The following GRIK2 variants were observed in gnomAD, a reference collection of about 807,000 sequenced individuals.
GRIK2 encodes the protein glutamate ionotropic receptor kainate type subunit 2, also known as glutamate receptor ionotropic, kainate 2.
A neutral mutation model predicts 100.3 loss-of-function variants in GRIK2; 32 were observed. The observed-to-expected ratio is 0.32, with a 90% CI of 0.24 to 0.43. GRIK2 has a LOEUF of 0.43. GRIK2 is among the 20% of genes least tolerant of loss of function. GRIK2 has a pLI of 1.00. For missense variants in GRIK2, 843 were observed against 1,114.9 expected, an observed-to-expected ratio of 0.76 and a Z score of 3.47; for synonymous variants, 417 against 389.4, an observed-to-expected ratio of 1.07 and a Z score of -0.83.
At chr6:101,645,510 C>T (rs1398428515) in intron 4 of GRIK2, among the ~76,000 whole-genome samples, 3 of 151,798 alleles carry the variant, frequency 2.0e-5, no homozygotes, top group East Asian at 1.9e-4. Flanking sequence ...TGGGAGAGGC[C>T]GTTTGTCTTT....
At chr6:101,723,391 C>G (rs1774627846) in intron 7 of GRIK2, among the ~76,000 whole-genome samples, 1 of 151,918 alleles carries the variant, frequency 6.6e-6, no homozygotes, top group Admixed American at 6.6e-5. Flanking sequence ...ACTGTAGCAT[C>G]TAAGATTTAA....
chr6:101,687,234 C>T (rs1771761118), intron 7 of GRIK2, among the ~76,000 whole-genome samples: 2 of 151,802 alleles, frequency 1.3e-5, no homozygotes. Flanking sequence ...TAGTGTCTAC[C>T]TTGTCAGACT....
rs3029099 is a variant in GRIK2 at position 101,963,278 on chromosome 6, A to ATTTTTTTTTTTTTTTTTTTTTTTTTTTTT, written c.2085+34655_2085+34683dup. On this transcript the variant is annotated intron_variant, in intron 14 of 16. Coordinates refer to ENST00000369134, the MANE Select transcript of GRIK2 (RefSeq NM_021956.5). ...TATTTCATATTTATACTTATTTAGG[A>ATTTTTTTTTTTTTTTTTTTTTTTTTTTTT]TTTTTTTTTTTTTTTTTTTTTTTTT... Among the ~76,000 whole-genome samples, 12 of 27,844 alleles carry ATTTTTTTTTTTTTTTTTTTTTTTTTTTTT rather than the reference A, an allele frequency of 4.3e-4. 6 individuals carry two copies. Among genetic ancestry groups the ATTTTTTTTTTTTTTTTTTTTTTTTTTTTT allele is most frequent in the Non-Finnish European group, 8.6e-4 (12 of 14,018 alleles). 18.3% of individuals were successfully genotyped at this position (27,844 alleles called of 152,430 possible).
chr6:101,644,333 T>C (rs1268296691), intron 4 of GRIK2, among the ~76,000 whole-genome samples: 1 of 151,628 alleles, frequency 6.6e-6, no homozygotes, highest in Non-Finnish European at 1.5e-5. Flanking sequence ...GAAATGCAAG[T>C]GTACAGAGCT....
intron 2 of GRIK2, among the ~76,000 whole-genome samples, chr6:101,528,937 T>G (rs1775286067): frequency 6.6e-6 from 1 of 152,098 alleles, no homozygotes; most frequent in South Asian, 2.1e-4. Context: ...AAAAGACAAC[T>G]TGCTAAAATA....
At chr6:101,795,834 T>G (rs1780267218) in intron 7 of GRIK2, among the ~76,000 whole-genome samples, 1 of 152,168 alleles carries the variant, frequency 6.6e-6, no homozygotes, top group South Asian at 2.1e-4. Context: ...TGCATGGGAA[T>G]AGGCTGTGGT....
At chr6:101,998,063 C>T (rs1250701631) in intron 14 of GRIK2, among the ~76,000 whole-genome samples, 1 of 152,042 alleles carries the variant, frequency 6.6e-6, no homozygotes, top group Non-Finnish European at 1.5e-5. Flanking sequence ...CTATCCACTC[C>T]CAAAAGCTTC....
At chr6:101,740,094 G>T (rs183964722) in intron 7 of GRIK2, among the ~76,000 whole-genome samples, 1 of 152,320 alleles carries the variant, frequency 6.6e-6, no homozygotes, top group Non-Finnish European at 1.5e-5. Context: ...GAGAATTCAT[G>T]TTTGACTCAA....
intron 4 of GRIK2, among the ~76,000 whole-genome samples, chr6:101,673,903 G>T (rs185928103): frequency 1.3e-5 from 2 of 152,250 alleles, no homozygotes; most frequent in Admixed American, 6.5e-5. Context: ...GACATGAAAA[G>T]ACACTTCTCA....
chr6:101,502,479 G>A (rs180742924), intron 2 of GRIK2, among the ~76,000 whole-genome samples: 89 of 152,008 alleles, frequency 5.9e-4, no homozygotes, highest in African/African-American at 2.1e-3. Flanking sequence ...AAAGATTTCC[G>A]AGACATAGAA....
chr6:101,528,833 C>A (rs1420457534), intron 2 of GRIK2, among the ~76,000 whole-genome samples: 1 of 152,046 alleles, frequency 6.6e-6, no homozygotes, highest in East Asian at 1.9e-4. Context: ...TCCCTATATG[C>A]AGTACATGAT....
chr6:101,466,787 G>A (rs1771672254), intron 2 of GRIK2, among the ~76,000 whole-genome samples: 1 of 152,078 alleles, frequency 6.6e-6, no homozygotes, highest in African/African-American at 2.4e-5. Context: ...GCTTTCAAGA[G>A]TTTTAGCAGG....
chr6:101,934,829 C>G (rs1038896244), intron 14 of GRIK2, among the ~76,000 whole-genome samples: 4 of 151,876 alleles, frequency 2.6e-5, no homozygotes, highest in Non-Finnish European at 4.4e-5. Context: ...TGAAAAATGT[C>G]TTCTGAAATG....
chr6:101,924,795 C>G, intron 13 of GRIK2, 76 bp downstream of exon 13: 2 of 911,184 alleles, frequency 2.2e-6, no homozygotes, highest in Non-Finnish European at 1.8e-6. Flanking sequence ...CTTGCTGGCA[C>G]AAGTCGCTTG....
intron 2 of GRIK2, among the ~76,000 whole-genome samples, chr6:101,474,042 T>A (rs1163172237): frequency 6.6e-6 from 1 of 151,814 alleles, no homozygotes; most frequent in African/African-American, 2.4e-5. Context: ...TCCCATACAC[T>A]GACCTACCAA....
chr6:101,811,824 T>A (rs2128418891), intron 9 of GRIK2, among the ~76,000 whole-genome samples: 1 of 151,700 alleles, frequency 6.6e-6, no homozygotes, highest in African/African-American at 2.4e-5. Context: ...CTGAGAAAAC[T>A]GTCACCAAAA....
At chr6:101,776,705 T>C (rs1778768929) in intron 7 of GRIK2, among the ~76,000 whole-genome samples, 1 of 152,232 alleles carries the variant, frequency 6.6e-6, no homozygotes, top group Non-Finnish European at 1.5e-5. Context: ...TCTAAATTTG[T>C]CAGTAACTTA....
At chr6:101,946,923 A>G (rs968274717) in intron 14 of GRIK2, among the ~76,000 whole-genome samples, 1 of 152,168 alleles carries the variant, frequency 6.6e-6, no homozygotes, top group Non-Finnish European at 1.5e-5. Context: ...CCTCCCACAG[A>G]GAATGTTACA....
intron 15 of GRIK2, among the ~76,000 whole-genome samples, chr6:102,039,395 G>A (rs149358655): frequency 6.6e-6 from 1 of 151,624 alleles, no homozygotes; most frequent in African/African-American, 2.4e-5. Context: ...GATTTTTGAA[G>A]TTGCAGGAGA....
Sources: gnomAD v4.1 joint callset for allele counts (sites outside exome capture counted in the v4.1 genomes callset) on GRCh38, gnomAD v4.1.1 for gene constraint, MANE v1.5 for transcripts, NCBI Gene and HGNC (gene_info 2026-07-23, HGNC 2026-07-21) for gene names.